The following CFAP54 variants were observed in gnomAD, a reference collection of about 807,000 sequenced individuals.
CFAP54 encodes the protein cilia and flagella associated protein 54.
In CFAP54, 290 loss-of-function variants were observed where a neutral mutation model predicts 370.4. The observed-to-expected ratio is 0.78, with a 90% CI of 0.71 to 0.86. CFAP54 has a LOEUF of 0.86. Among genes scored for constraint, CFAP54 ranks in the 40% least tolerant of loss-of-function variants. The probability of loss-of-function intolerance (pLI) is 0.00; values close to 1 mark genes in which losing one functional copy is unlikely to be tolerated. For missense variants in CFAP54, 3,399 were observed against 3,528.7 expected (o/e 0.96, Z 0.93); for synonymous variants, 1,206 against 1,236.5 (o/e 0.98, Z 0.52).
intron 30 of CFAP54, among the ~76,000 whole-genome samples, chr12:96,627,190 A>G (rs1956557731): frequency 6.6e-6 from 1 of 152,204 alleles, no homozygotes; most frequent in Non-Finnish European, 1.5e-5. Context: ...GTCTTTTGCT[A>G]TTGAGTCAGG....
At chr12:96,512,301 TTA>T (rs1165045194) in intron 4 of CFAP54, among the ~76,000 whole-genome samples, 1,614 of 30,316 alleles carry the variant, frequency 0.053, 17 homozygotes, top group Non-Finnish European at 0.067. Context: ...GGAACCAATT[TTA>T]TATATATATA....
intron 60 of CFAP54, among the ~76,000 whole-genome samples, chr12:96,771,424 G>A (rs538187649): frequency 1.3e-5 from 2 of 152,272 alleles, no homozygotes; most frequent in African/African-American, 4.8e-5. Flanking sequence ...AGGCCAAGGC[G>A]GGCGGTTCAC....
chr12:96,762,465 G>A lies in CFAP54; in HGVS notation c.8041-1686G>A, dbSNP rs547466516. On this transcript the variant is annotated intron_variant, in intron 58 of 67. Coordinates refer to ENST00000524981, the MANE Select transcript of CFAP54 (RefSeq NM_001306084.2). ...AACCTAGAATCTCCTGTGCAATGTC[G>A]AACATCTCCCCCATCTGGAAAACGC... Among the ~76,000 whole-genome samples the A allele has an allele frequency of 1.5e-4, 23 of 152,200 alleles. No homozygotes were observed. The South Asian group carries it at 4.2e-3, about 27-fold the overall frequency.
intron 61 of CFAP54, among the ~76,000 whole-genome samples, chr12:96,785,310 G>GTT (rs34713372): frequency 2.1e-5 from 3 of 146,122 alleles, no homozygotes; most frequent in East Asian, 2.0e-4. Context: ...ATTCCGTGGA[G>GTT]TTTTTTTTTT....
chr12:96,510,963 CAAAA>C (rs11479059), intron 4 of CFAP54, among the ~76,000 whole-genome samples: 5 of 103,710 alleles, frequency 4.8e-5, no homozygotes, highest in Non-Finnish European at 2.1e-5. Context: ...ACTCTTATCT[CAAAA>C]AAAAAAAAAA....
At chr12:96,834,873 G>A (rs1221563028) in intron 66 of CFAP54, among the ~76,000 whole-genome samples, 1 of 152,218 alleles carries the variant, frequency 6.6e-6, no homozygotes, top group African/African-American at 2.4e-5. Flanking sequence ...TGGAGGGTGA[G>A]CAAGATGAAG....
chr12:96,641,947 A>G (rs1383911106), intron 32 of CFAP54, among the ~76,000 whole-genome samples: 138 of 140,140 alleles, frequency 9.8e-4, no homozygotes, highest in Middle Eastern at 4.0e-3. Context: ...GCGGGGGGGG[A>G]GGGATAGCAT....
chr12:96,561,839 C>G (rs529669134), intron 17 of CFAP54, among the ~76,000 whole-genome samples: 1 of 148,854 alleles, frequency 6.7e-6, no homozygotes, highest in Admixed American at 6.7e-5. Context: ...GTGCGATCAC[C>G]CAGTGGTGCG....
At chr12:96,638,456 T>C (rs1293020855) in intron 32 of CFAP54, among the ~76,000 whole-genome samples, 1 of 151,782 alleles carries the variant, frequency 6.6e-6, no homozygotes, top group Non-Finnish European at 1.5e-5. Context: ...CAGGCTGGTC[T>C]TGAACTCCTG....
chr12:96,556,511 T>C (rs1424786224), intron 17 of CFAP54, among the ~76,000 whole-genome samples: 2 of 152,082 alleles, frequency 1.3e-5, no homozygotes, highest in African/African-American at 4.8e-5. Context: ...CTTGAGTGCA[T>C]TGAAACAACA....
chr12:96,786,923 AT>A (rs1958635715), intron 62 of CFAP54, 25 bp downstream of exon 62: 1 of 1,449,050 alleles, frequency 6.9e-7, no homozygotes, highest in Non-Finnish European at 9.3e-7. Flanking sequence ...AACATGATAT[AT>A]TTACATAAAA....
intron 48 of CFAP54, among the ~76,000 whole-genome samples, chr12:96,717,131 C>T (rs1274432318): frequency 6.6e-6 from 1 of 152,230 alleles, no homozygotes; most frequent in Non-Finnish European, 1.5e-5. Flanking sequence ...AATTTTATCA[C>T]ACATGGGTTC....
intron 14 of CFAP54, 58 bp from the exon 15 acceptor site, chr12:96,547,844 C>G: frequency 6.1e-6 from 5 of 822,714 alleles, no homozygotes; most frequent in Non-Finnish European, 7.2e-6. Context: ...TTTTTTTCAT[C>G]TCCTCTTCTC....
chr12:96,491,714 C>A (rs912968251), intron 1 of CFAP54, among the ~76,000 whole-genome samples: 1 of 152,128 alleles, frequency 6.6e-6, no homozygotes, highest in African/African-American at 2.4e-5. Flanking sequence ...AAGATGAGAA[C>A]CAAGAATTGA....
At position 96,522,090 on chromosome 12, in the gene CFAP54, G is replaced by A; in HGVS notation, c.1059G>A (p.Met353Ile). ...RRYFREATMK[M>I]AVMIFKRGVF... is the part of the protein sequence containing the mutation. ...TATAATTCTGCTTTTTGAGGCAGAT[G>A]GCAGTGATGATCTTCAAAAGAGGAG... The change falls in exon 8 of 68, where the codon ATG becomes ATA. Residue 353 changes from methionine to isoleucine, a missense_variant and splice_region_variant. Transcript: ENST00000524981. 1 of 1,534,946 alleles carries A rather than the reference G, an allele frequency of 6.5e-7. No homozygotes were observed. Among genetic ancestry groups the A allele is most frequent in the Non-Finnish European group, 8.7e-7 (1 of 1,146,498 alleles).
intron 1 of CFAP54, among the ~76,000 whole-genome samples, chr12:96,491,794 C>T (rs975876777): frequency 1.3e-5 from 2 of 152,212 alleles, no homozygotes; most frequent in Non-Finnish European, 2.9e-5. Context: ...GAGTCTCACT[C>T]TGTACCCCAG....
At chr12:96,545,479 AAAAC>A (rs1301746363) in intron 14 of CFAP54, among the ~76,000 whole-genome samples, 2 of 152,142 alleles carry the variant, frequency 1.3e-5, no homozygotes, top group Admixed American at 6.5e-5. Context: ...TATTTTTTAA[AAAAC>A]AAACAATATA....
intron 48 of CFAP54, among the ~76,000 whole-genome samples, chr12:96,717,108 T>C (rs1333187495): frequency 6.6e-6 from 1 of 152,238 alleles, no homozygotes. Context: ...AACACTCATG[T>C]GGGACCCATG....
intron 63 of CFAP54, among the ~76,000 whole-genome samples, chr12:96,798,071 A>G (rs1225604698): frequency 6.6e-6 from 1 of 152,098 alleles, no homozygotes; most frequent in South Asian, 2.1e-4. Context: ...TACTCCCCTA[A>G]TGACTTACAT....
Sources: gnomAD v4.1 joint callset for allele counts (sites outside exome capture counted in the v4.1 genomes callset) on GRCh38, gnomAD v4.1.1 for gene constraint, MANE v1.5 for transcripts, NCBI Gene and HGNC (gene_info 2026-07-23, HGNC 2026-07-21) for gene names.